DHX33: variants seen among roughly 807,000 people sequenced by gnomAD.
The protein encoded by DHX33 is ATP-dependent RNA helicase DHX33.
DHX33 carries 42 observed loss-of-function variants against 72.5 expected under a neutral mutation model. That is an observed-to-expected ratio of 0.58 (90% confidence interval 0.45 to 0.75). The LOEUF (loss-of-function observed/expected upper bound fraction) is 0.75. DHX33 is among the 30% of genes least tolerant of loss of function. The probability of loss-of-function intolerance (pLI) is 0.00; values close to 1 mark genes in which losing one functional copy is unlikely to be tolerated. For synonymous variants in DHX33, 358 were observed against 366.1 expected (o/e 0.98, Z 0.25); for missense variants, 842 against 917.5 (o/e 0.92, Z 1.06).
chr17:5,441,384 T>A lies in DHX33; in HGVS notation c.*2821A>T, dbSNP rs989972932. Reference sequence around the variant, plus strand: ...TACTAGAAGACAAACACCTGAGGCATGCAATCTGCTTGGAGTGCATCTATT... The same window carrying A: ...TACTAGAAGACAAACACCTGAGGCAAGCAATCTGCTTGGAGTGCATCTATT... On this transcript the variant is annotated 3_prime_UTR_variant, in exon 12 of 12. Transcript: ENST00000225296. 6 of 152,208 alleles carry A rather than the reference T, an allele frequency of 3.9e-5. No homozygotes were observed. Among genetic ancestry groups the A allele is most frequent in the South Asian group, 2.1e-4 (1 of 4,832 alleles). 9.4% of individuals were successfully genotyped at this position (152,208 alleles called of 1,614,324 possible).
At position 5,450,895 on chromosome 17, in the gene DHX33, C is replaced by G; in HGVS notation, c.1436G>C (p.Gly479Ala). The change falls in exon 9 of 12, where the codon GGT (glycine) becomes GCT (alanine). Residue 479 changes from glycine to alanine, a missense_variant. By Grantham distance (60) the Gly-to-Ala change is moderately conservative. Coordinates refer to ENST00000225296, the MANE Select transcript of DHX33 (RefSeq NM_020162.4). ...CTGGTCATCCTTATGTTCAAGAGCA[C>G]CTAACAGGTCCAGTTGGGCAATGGC... is the stretch of plus-strand genomic sequence containing the variant. ...QAAIAQLDLL[G>A]ALEHKDDQLT... The G allele has an allele frequency of 6.2e-7, 1 of 1,614,106 alleles. No homozygotes were observed. Among genetic ancestry groups the G allele is most frequent in the Non-Finnish European group, 8.5e-7 (1 of 1,180,014 alleles).
chr17:5,445,765 G>A (rs112197955), intron 11 of DHX33, among the ~76,000 whole-genome samples: 3 of 152,328 alleles, frequency 2.0e-5, no homozygotes, highest in African/African-American at 7.2e-5. Flanking sequence ...AGGGAAGGAG[G>A]CACGCAGAGG....
intron 4 of DHX33, 72 bp from the exon 5 acceptor site, chr17:5,456,254 AT>A: frequency 6.9e-7 from 1 of 1,458,404 alleles, no homozygotes; most frequent in Non-Finnish European, 9.5e-7. Context: ...GACAATGGTG[AT>A]TGATGATGTT....
intron 1 of DHX33, among the ~76,000 whole-genome samples, chr17:5,467,692 TA>T (rs1904936459): frequency 6.6e-6 from 1 of 152,024 alleles, no homozygotes; most frequent in African/African-American, 2.4e-5. Flanking sequence ...TGCCCCAAGA[TA>T]ACATCCCCTG....
chr17:5,457,373 A>T (rs1323370471), intron 4 of DHX33, among the ~76,000 whole-genome samples: 1 of 152,160 alleles, frequency 6.6e-6, no homozygotes, highest in African/African-American at 2.4e-5. Flanking sequence ...CTGTAACCCC[A>T]GCACTTTGGG....
intron 1 of DHX33, among the ~76,000 whole-genome samples, chr17:5,464,543 C>CTTGATATAA (rs1401488031): frequency 1.3e-5 from 2 of 151,998 alleles, no homozygotes; most frequent in African/African-American, 4.8e-5. Flanking sequence ...GTTTATATCC[C>CTTGATATAA]TTGACCCACA....
chr17:5,465,692 C>T (rs1904851318), intron 1 of DHX33, among the ~76,000 whole-genome samples: 1 of 152,170 alleles, frequency 6.6e-6, no homozygotes, highest in African/African-American at 2.4e-5. Flanking sequence ...CAGAAGCAAA[C>T]CTGAGTTTAT....
At position 5,463,629 on chromosome 17, in the gene DHX33, C is replaced by T. The variant is rs751057933; in HGVS notation, c.350G>A (p.Ser117Asn). The change falls in exon 2 of 12, where the codon AGC (serine) becomes AAC (asparagine). Residue 117 changes from serine (S) to asparagine (N), a missense_variant. Physicochemically the swap from Ser to Asn is conservative, Grantham distance 46. Coordinates refer to ENST00000225296, the MANE Select transcript of DHX33 (RefSeq NM_020162.4). Reference sequence around the variant, plus strand: ...GGTCACAGCAATGATGCCCTGGCGGCTGATCCCTCCTTCATACAGGTACTG... The same window carrying T: ...GGTCACAGCAATGATGCCCTGGCGGTTGATCCCTCCTTCATACAGGTACTG... ...IPQYLYEGGI[S>N]RQGIIAVTQP... 4.5e-5 allele frequency: 73 copies of T among 1,613,858 alleles called. No individual in the cohort carries two copies. Among genetic ancestry groups the T allele is most frequent in the Non-Finnish European group, 6.0e-5 (71 of 1,180,014 alleles).
intron 11 of DHX33, among the ~76,000 whole-genome samples, chr17:5,446,791 A>G (rs949005835): frequency 1.3e-5 from 2 of 152,256 alleles, no homozygotes; most frequent in Non-Finnish European, 2.9e-5. Context: ...TAAATTCACA[A>G]CTAATAGAGA....
chr17:5,457,696 C>T (rs1010447698), intron 4 of DHX33, among the ~76,000 whole-genome samples: 1 of 150,290 alleles, frequency 6.7e-6, no homozygotes, highest in Admixed American at 6.6e-5. Flanking sequence ...TGTAAAAATA[C>T]GTATTTTTTA....
chr17:5,456,138 C>T lies in DHX33; in HGVS notation c.894G>A (p.Gln298=). Residue 298 remains glutamine, a synonymous_variant, in exon 5 of 12, where the codon CAG becomes CAA. Coordinates refer to ENST00000225296, the MANE Select transcript of DHX33 (RefSeq NM_020162.4). ...SQDILVFLTG[Q]EEIEAMSKTC... ...TCTTGCTCATGGCTTCGATCTCCTC[C>T]TGCCCAGTGAGGAACACCAGGATGT... 1 of 1,614,166 alleles carries T rather than the reference C, an allele frequency of 6.2e-7. No individual in the cohort carries two copies. The highest frequency in any genetic ancestry group is 8.5e-7 in the Non-Finnish European group (1 of 1,180,026).
chr17:5,467,890 G>A (rs887696708), intron 1 of DHX33, among the ~76,000 whole-genome samples: 2 of 152,298 alleles, frequency 1.3e-5, no homozygotes, highest in South Asian at 2.1e-4. Flanking sequence ...ACTGCCAGCC[G>A]CGTTTCGTGT....
At position 5,441,080 on chromosome 17, in the gene DHX33, A is replaced by G. The variant is rs1288394809; in HGVS notation, c.*3125T>C. 11 of 152,128 alleles carry G rather than the reference A, an allele frequency of 7.2e-5. No homozygotes were observed. Among genetic ancestry groups the G allele is most frequent in the Non-Finnish European group, 1.5e-4 (10 of 68,008 alleles). 9.4% of individuals were successfully genotyped at this position (152,128 alleles called of 1,614,324 possible). A position where few individuals can be genotyped will look rare whatever the true frequency, so the allele number is the denominator to read the frequency against. On this transcript the variant is annotated 3_prime_UTR_variant, in exon 12 of 12. Transcript: ENST00000225296. Reference sequence around the variant, plus strand: ...TTTTTCTCCCTCTAGTTACCAAGGAATATCGTATCTCAGATGCATGGCCTA... The same window carrying G: ...TTTTTCTCCCTCTAGTTACCAAGGAGTATCGTATCTCAGATGCATGGCCTA...
At chr17:5,454,088 A>T (rs937665996) in intron 6 of DHX33, 108 bp from the exon 7 acceptor site, 2 of 1,337,180 alleles carry the variant, frequency 1.5e-6, no homozygotes, top group Non-Finnish European at 1.0e-6. Context: ...ACGGGGGTCC[A>T]GAAAGCCTCA....
intron 3 of DHX33, 21 bp from the exon 4 acceptor site, chr17:5,461,130 G>A (rs1429616731): frequency 5.7e-6 from 9 of 1,592,150 alleles, no homozygotes; most frequent in African/African-American, 4.0e-5. Flanking sequence ...GAACGAAGAG[G>A]AGGACCAGAA....
chr17:5,453,947 AC>A lies in DHX33; in HGVS notation c.1180del (p.Val394TyrfsTer36). Reference sequence around the variant, plus strand: ...GCGCTGCCAAGCCTGCGTCTTCGATACCCGCTGCACTGCTAACACCTCAAGA... The same window carrying A: ...GCGCTGCCAAGCCTGCGTCTTCGATACCGCTGCACTGCTAACACCTCAAGA... The part of the protein sequence containing the change: ...SGLEVLAVQR[V>X]SKTQAWQRTG... On this transcript the variant is annotated frameshift_variant, in exon 7 of 12. Coordinates refer to ENST00000225296, the MANE Select transcript of DHX33 (RefSeq NM_020162.4). LOFTEE classifies it high-confidence loss of function. 4 of 1,613,986 alleles carry A rather than the reference AC, an allele frequency of 2.5e-6. No individual in the cohort carries two copies. The highest frequency in any genetic ancestry group is 3.4e-6 in the Non-Finnish European group (4 of 1,180,020).
In DHX33 at chr17:5,448,855, G is replaced by T. The variant is rs745955062; in HGVS notation, c.1769C>A (p.Thr590Lys). The change falls in exon 11 of 12, where the codon ACG becomes AAG. Residue 590 changes from threonine to lysine, a missense_variant. Coordinates refer to ENST00000225296, the MANE Select transcript of DHX33 (RefSeq NM_020162.4). ...KENFVNSKNM[T>K]LVAEVRAQLR... is the part of the protein sequence containing the mutation. ...CTGTGCTCTGACTTCTGCTACCAGC[G>T]TCATATTCTTGCTGTTGACAAAATT... is the stretch of plus-strand genomic sequence containing the variant. 1.2e-6 allele frequency: 2 copies of T among 1,612,970 alleles called. No individual in the cohort carries two copies. Among genetic ancestry groups the T allele is most frequent in the East Asian group, 2.2e-5 (1 of 44,740 alleles).
At chr17:5,453,738 A>G in intron 7 of DHX33, 70 bp from the exon 8 acceptor site, 1 of 1,612,116 alleles carries the variant, frequency 6.2e-7, no homozygotes, top group Admixed American at 1.7e-5. Context: ...CTCATGGTGG[A>G]GTGTGAGTAA....
rs1597352130 is a variant in DHX33 at position 5,441,043 on chromosome 17, C to A, written c.*3162G>T. 1 of 152,066 alleles carries A rather than the reference C, an allele frequency of 6.6e-6. No individual in the cohort carries two copies. The highest frequency in any genetic ancestry group is 1.5e-5 in the Non-Finnish European group (1 of 68,006). 9.4% of individuals were successfully genotyped at this position (152,066 alleles called of 1,614,324 possible). A position where few individuals can be genotyped will look rare whatever the true frequency, so the allele number is the denominator to read the frequency against. On this transcript the variant is annotated 3_prime_UTR_variant, in exon 12 of 12. Transcript: ENST00000225296. The stretch of plus-strand genomic sequence containing the variant: ...CTCAAAATACAACATAAGCCTGAAC[C>A]TACTTGATTTTTTTTTCTCCCTCTA...
Sources: gnomAD v4.1 joint callset for allele counts (sites outside exome capture counted in the v4.1 genomes callset) on GRCh38, gnomAD v4.1.1 for gene constraint, MANE v1.5 for transcripts, NCBI Gene and HGNC (gene_info 2026-07-23, HGNC 2026-07-21) for gene names.